The following TARS2 variants were observed in gnomAD, a reference collection of about 807,000 sequenced individuals.
The protein encoded by TARS2 is threonine--tRNA ligase, mitochondrial.
A neutral mutation model predicts 94.4 loss-of-function variants in TARS2; 61 were observed. The observed-to-expected ratio is 0.65, with a 90% CI of 0.53 to 0.80. TARS2 has a LOEUF of 0.80. Ranked by LOEUF, TARS2 falls within the 30% of genes least tolerant of loss-of-function variation. The pLI, the probability that TARS2 is intolerant of heterozygous loss-of-function variation, is 0.00. For synonymous variants in TARS2, 359 were observed against 353.4 expected (o/e 1.02, Z -0.18); for missense variants, 704 against 902.5 (o/e 0.78, Z 2.82).
At chr1:150,494,498 G>A (rs1669557134) in intron 7 of TARS2, among the ~76,000 whole-genome samples, 2 of 152,048 alleles carry the variant, frequency 1.3e-5, no homozygotes. Context: ...CCAACACTTT[G>A]GGAGGCCAAG....
At chr1:150,490,357 G>A (rs113197368) in intron 3 of TARS2, among the ~76,000 whole-genome samples, 6 of 151,962 alleles carry the variant, frequency 3.9e-5, no homozygotes, top group Admixed American at 1.3e-4. Flanking sequence ...GACCTCAGAT[G>A]ATCCGCCTGC....
chr1:150,500,146 C>T (rs905093069), intron 13 of TARS2, among the ~76,000 whole-genome samples: 1 of 151,882 alleles, frequency 6.6e-6, no homozygotes. Context: ...CACTGCACTC[C>T]AGCCTGGGTG....
At chr1:150,494,082 C>T (rs11811950) in intron 7 of TARS2, among the ~76,000 whole-genome samples, 33,665 of 151,720 alleles carry the variant, frequency 0.22, 4,248 homozygotes, top group African/African-American at 0.32. Context: ...TAATGAAAAC[C>T]AGGCCAGGCA....
Position 150,496,615 on chromosome 1 carries a change from G to A in TARS2, c.908G>A (p.Arg303Gln), listed in dbSNP as rs370560290. 1.4e-5 allele frequency: 23 copies of A among 1,613,384 alleles called. No homozygotes were observed. In the Admixed American group the frequency reaches 2.2e-4, roughly 15 times the overall value. The stretch of plus-strand genomic sequence containing the variant: ...GAGGAAGCAGAATTGCGGGACCACC[G>A]GCGCATTGGGAAGGTACAGGAATTG... Reference protein sequence around the residue: ...WREEAELRDHRRIGKEQELFF... With the variant: ...WREEAELRDHQRIGKEQELFF... The change falls in exon 8 of 18, where the codon CGG (arginine) becomes CAG (glutamine). Residue 303 changes from arginine (R) to glutamine (Q), a missense_variant. Physicochemically the swap from Arg to Gln is conservative, Grantham distance 43. Transcript: ENST00000369064.
intron 7 of TARS2, among the ~76,000 whole-genome samples, chr1:150,494,358 G>A (rs115629519): frequency 0.01 from 1,329 of 130,948 alleles, 31 homozygotes; most frequent in African/African-American, 0.036. Flanking sequence ...GCCACGGAGC[G>A]AGACAACATC....
In TARS2 at chr1:150,504,991, G is replaced by A. The variant is rs1447381481; in HGVS notation, c.1893+13G>A. On this transcript the variant is annotated intron_variant, in intron 16 of 17. Transcript: ENST00000369064. ...ATACGCCAAAGAGGTAAGGAGTTGA[G>A]GTAAGGGAGGGGGCAGAAGCAGGTC... 1.9e-6 allele frequency: 3 copies of A among 1,613,912 alleles called. No homozygotes were observed. Among genetic ancestry groups the A allele is most frequent in the Middle Eastern group, 1.6e-4 (1 of 6,062 alleles).
intron 15 of TARS2, 34 bp downstream of exon 15, chr1:150,504,767 C>T: frequency 6.2e-7 from 1 of 1,612,738 alleles, no homozygotes. Flanking sequence ...TGTTCTGGCC[C>T]CAAACCGGAT....
intron 10 of TARS2, 118 bp from the exon 11 acceptor site, chr1:150,498,384 G>A: frequency 1.6e-6 from 2 of 1,276,186 alleles, no homozygotes; most frequent in Non-Finnish European, 2.1e-6. Context: ...GATGTGCTGA[G>A]GCTGGAGAGG....
chr1:150,494,530 A>T (rs1298135777), intron 7 of TARS2, among the ~76,000 whole-genome samples: 1 of 151,892 alleles, frequency 6.6e-6, no homozygotes, highest in Non-Finnish European at 1.5e-5. Flanking sequence ...ACTTGAGCTC[A>T]GGAGTTCAAG....
Position 150,495,971 on chromosome 1 carries a change from C to G in TARS2, c.775-511C>G, listed in dbSNP as rs587652103. On this transcript the variant is annotated intron_variant, in intron 7 of 17. Coordinates refer to ENST00000369064, the MANE Select transcript of TARS2 (RefSeq NM_025150.5). Reference sequence around the variant, plus strand: ...TCCTGACCTCGTGATCCGCCCGCCTCGGCCTCCCAAAGTGCTGGGATTACA... The same window carrying G: ...TCCTGACCTCGTGATCCGCCCGCCTGGGCCTCCCAAAGTGCTGGGATTACA... Among the ~76,000 whole-genome samples, 3 of 152,110 alleles carry G rather than the reference C, an allele frequency of 2.0e-5. No homozygotes were observed. The South Asian group carries it at 6.2e-4, about 32-fold the overall frequency.
At chr1:150,503,701 GTA>G (rs1318587153) in intron 13 of TARS2, among the ~76,000 whole-genome samples, 4 of 143,006 alleles carry the variant, frequency 2.8e-5, no homozygotes, top group East Asian at 2.1e-4. Context: ...ATATGTGTGT[GTA>G]TATATACACA....
In TARS2 at chr1:150,490,661, G is replaced by A. The variant is rs753326607; in HGVS notation, c.448G>A (p.Val150Ile). The A allele has an allele frequency of 1.2e-6, 2 of 1,613,874 alleles. No individual in the cohort carries two copies. The highest frequency in any genetic ancestry group is 2.2e-5 in the East Asian group (1 of 44,890). The change falls in exon 4 of 18, where the codon GTT becomes ATT. Residue 150 changes from valine to isoleucine, a missense_variant. Physicochemically the swap from Val to Ile is conservative, Grantham distance 29. Around this residue, in one of 3 missense-constraint regions of TARS2, gnomAD observed 208 missense variants for 228.5 expected, o/e 0.91. Transcript: ENST00000369064. ...GAAAEQFLGA[V>I]LCRGPSTEYG... ...AGCAGCTGAACAATTCCTAGGTGCT[G>A]TTCTCTGCAGAGGTCCAAGTACAGA... is the stretch of plus-strand genomic sequence containing the variant.
At position 150,507,015 on chromosome 1, in the gene TARS2, T is replaced by G. The variant is rs1305530763; in HGVS notation, c.2108T>G (p.Leu703Arg). The change falls in exon 18 of 18, where the codon CTG (leucine) becomes CGG (arginine). Residue 703 changes from leucine to arginine, a missense_variant. Around this residue, in one of 3 missense-constraint regions of TARS2, gnomAD observed 466 missense variants for 609.5 expected, o/e 0.76. Transcript: ENST00000369064. ...EWDLPEAVQRLVELQNTRVPN... is the reference protein window; with the variant it reads ...EWDLPEAVQRRVELQNTRVPN... ...GACTTGCCTGAGGCTGTGCAGCGAC[T>G]GGTGGAGCTACAGAACACGAGGGTC... 1 of 1,614,118 alleles carries G rather than the reference T, an allele frequency of 6.2e-7. No individual in the cohort carries two copies. Among genetic ancestry groups the G allele is most frequent in the Non-Finnish European group, 8.5e-7 (1 of 1,180,014 alleles).
intron 7 of TARS2, among the ~76,000 whole-genome samples, chr1:150,492,929 C>G (rs1405682683): frequency 6.6e-6 from 1 of 151,072 alleles, no homozygotes; most frequent in Non-Finnish European, 1.5e-5. Context: ...GTCGCCCAGG[C>G]TGGAGTGCAG....
chr1:150,503,545 ATGTGTGTGTGTGTGTG>A (rs368609900), intron 13 of TARS2, among the ~76,000 whole-genome samples: 2 of 95,576 alleles, frequency 2.1e-5, no homozygotes, highest in Non-Finnish European at 4.7e-5. Context: ...AAATACACAT[ATGTGTGTGTGTGTGTG>A]TGTGTGTGTG....
At chr1:150,506,893 T>TC (rs751923109) in intron 17 of TARS2, 23 bp from the exon 18 acceptor site, 16 of 1,612,740 alleles carry the variant, frequency 9.9e-6, no homozygotes, top group Non-Finnish European at 1.2e-5. Flanking sequence ...GCCCTGAGGT[T>TC]CCCAAACTTC....
At chr1:150,502,242 G>A (rs902138794) in intron 13 of TARS2, among the ~76,000 whole-genome samples, 8 of 148,800 alleles carry the variant, frequency 5.4e-5, no homozygotes, top group South Asian at 2.1e-4. Context: ...TTTTTTCCCC[G>A]AGACAGACTC....
Position 150,496,796 on chromosome 1 carries a change from A to G in TARS2, c.922-14A>G. 7 of 1,613,304 alleles carry G rather than the reference A, an allele frequency of 4.3e-6. No homozygotes were observed. Among genetic ancestry groups the G allele is most frequent in the Non-Finnish European group, 5.9e-6 (7 of 1,179,816 alleles). On this transcript the variant is annotated splice_polypyrimidine_tract_variant and intron_variant, in intron 8 of 17. Transcript: ENST00000369064. ...GCCCTTGAGGTGACCCAATATTGCTATTCCTGACCCCAGGAACAGGAGCTC... is the reference window on the plus strand; with the variant it reads ...GCCCTTGAGGTGACCCAATATTGCTGTTCCTGACCCCAGGAACAGGAGCTC...
chr1:150,491,817 CGGAGTCTT>C, intron 6 of TARS2, 155 bp downstream of exon 6: 1 of 787,304 alleles, frequency 1.3e-6, no homozygotes, highest in South Asian at 1.8e-5. Context: ...TTTTTTGAGA[CGGAGTCTT>C]GGTCTGTCTC....
Sources: gnomAD v4.1 joint callset for allele counts (sites outside exome capture counted in the v4.1 genomes callset) on GRCh38, gnomAD v4.1.1 for gene constraint, gnomAD v4.1.1 regional missense constraint, MANE v1.5 for transcripts, NCBI Gene and HGNC (gene_info 2026-07-23, HGNC 2026-07-21) for gene names.